HPSE2: variants seen among roughly 807,000 people sequenced by gnomAD.
The protein encoded by HPSE2 is inactive heparanase-2.
Under a neutral mutation model 60.5 loss-of-function variants are expected in HPSE2, and 38 were observed. The ratio of observed to expected loss-of-function variants is 0.63; its 90% CI spans 0.48 to 0.82. The LOEUF (loss-of-function observed/expected upper bound fraction) is 0.82, where lower values mean the gene tolerates loss of function less well. Ranked by LOEUF, HPSE2 falls within the 40% of genes least tolerant of loss-of-function variation. HPSE2 has a pLI of 0.00. For synonymous variants in HPSE2, 295 were observed against 293.2 expected (o/e 1.01, Z -0.06); for missense variants, 713 against 740.4 (o/e 0.96, Z 0.43).
chr10:99,069,209 A>C (rs1669287292), intron 3 of HPSE2, among the ~76,000 whole-genome samples: 1 of 152,178 alleles, frequency 6.6e-6, no homozygotes, highest in Non-Finnish European at 1.5e-5. Context: ...GAGTTTCTTA[A>C]GGCTATCTGG....
intron 3 of HPSE2, among the ~76,000 whole-genome samples, chr10:98,976,867 G>A (rs992645998): frequency 6.6e-6 from 1 of 152,096 alleles, no homozygotes; most frequent in African/African-American, 2.4e-5. Flanking sequence ...GACAATATGA[G>A]CAGGCCTTCA....
chr10:98,527,247 A>G (rs1168879883), intron 9 of HPSE2, among the ~76,000 whole-genome samples: 1 of 152,150 alleles, frequency 6.6e-6, no homozygotes, highest in Non-Finnish European at 1.5e-5. Context: ...GAGCAGCTAA[A>G]GTCATTCCCC....
chr10:99,069,087 C>G (rs1407298811), intron 3 of HPSE2, among the ~76,000 whole-genome samples: 1 of 152,152 alleles, frequency 6.6e-6, no homozygotes, highest in Non-Finnish European at 1.5e-5. Flanking sequence ...ACTGAAGATG[C>G]AGGGAATACT....
chr10:99,014,841 A>AG (rs1957100921), intron 3 of HPSE2, among the ~76,000 whole-genome samples: 1 of 152,212 alleles, frequency 6.6e-6, no homozygotes, highest in African/African-American at 2.4e-5. Context: ...TAAACTCAAG[A>AG]GCTTCTGCAC....
rs1434391779 is a variant in HPSE2 at position 98,599,862 on chromosome 10, C to T, written c.1320+15042G>A. On this transcript the variant is annotated intron_variant, in intron 9 of 11. Coordinates refer to ENST00000370552, the MANE Select transcript of HPSE2 (RefSeq NM_021828.5). Reference sequence around the variant, plus strand: ...CACAGGGAGACAAGCTCTGGAAAGTCCTATTCTGCCATCTTGCTGCTATAC... The same window carrying T: ...CACAGGGAGACAAGCTCTGGAAAGTTCTATTCTGCCATCTTGCTGCTATAC... Among the ~76,000 whole-genome samples, 4 of 152,154 alleles carry T rather than the reference C, an allele frequency of 2.6e-5. No homozygotes were observed. The South Asian group carries it at 6.2e-4, about 24-fold the overall frequency.
chr10:99,235,808 C>A lies in HPSE2; in HGVS notation c.-6G>T. 6.2e-7 allele frequency: 1 copy of A among 1,612,072 alleles called. No individual in the cohort carries two copies. Among genetic ancestry groups the A allele is most frequent in the Non-Finnish European group, 8.5e-7 (1 of 1,179,152 alleles). On this transcript the variant is annotated 5_prime_UTR_variant, in exon 1 of 12. Coordinates refer to ENST00000370552, the MANE Select transcript of HPSE2 (RefSeq NM_021828.5). ...AAGGCACAAAGCACCCTCATTCAAT[C>A]CCTCTGATTTAAACCTCTCTTCCTA...
At chr10:99,016,552 T>C (rs946809496) in intron 3 of HPSE2, among the ~76,000 whole-genome samples, 3 of 152,210 alleles carry the variant, frequency 2.0e-5, no homozygotes, top group Non-Finnish European at 4.4e-5. Flanking sequence ...AGTTTTTTTT[T>C]CTAGTTCTGT....
the HPSE2 span, among the ~76,000 whole-genome samples, chr10:99,308,772 C>T: frequency 0.052 from 2,229 of 42,812 alleles, 65 homozygotes; most frequent in African/African-American, 0.22. Flanking sequence ...ATGTCAAATC[C>T]TAGAAAACAC....
chr10:98,529,758 A>G (rs924070519), intron 9 of HPSE2, among the ~76,000 whole-genome samples: 4 of 152,174 alleles, frequency 2.6e-5, no homozygotes, highest in East Asian at 1.9e-4. Flanking sequence ...AAATCTATGC[A>G]TGATTGCCAC....
At chr10:98,951,608 A>G (rs897565819) in intron 3 of HPSE2, among the ~76,000 whole-genome samples, 12 of 152,236 alleles carry the variant, frequency 7.9e-5, no homozygotes, top group Non-Finnish European at 1.8e-4. Context: ...TGTGCAGGAA[A>G]ATGTGACAGT....
At chr10:99,230,525 C>T (rs959948466) in intron 2 of HPSE2, among the ~76,000 whole-genome samples, 5 of 151,968 alleles carry the variant, frequency 3.3e-5, no homozygotes, top group Non-Finnish European at 7.4e-5. Flanking sequence ...AGATCTTTTC[C>T]GTTTATGTTT....
chr10:98,459,663 G>T lies in HPSE2; in HGVS notation c.1690C>A (p.Arg564=), dbSNP rs373432908. ...GGGATGACCAATGTCCGGCCGGCCC[G>T]AAGGGGGCGGGGCTTCAATTCTGGG... ...TLPELKPRPL[R]AGRTLVIPPV... is the part of the protein sequence containing the mutation. The change falls in exon 12 of 12, where the codon CGG becomes AGG. Residue 564 remains arginine (R), a synonymous_variant. Coordinates refer to ENST00000370552, the MANE Select transcript of HPSE2 (RefSeq NM_021828.5). 6.2e-7 allele frequency: 1 copy of T among 1,614,168 alleles called. No homozygotes were observed. The highest frequency in any genetic ancestry group is 1.1e-5 in the South Asian group (1 of 91,084).
chr10:98,555,765 T>C (rs998862906), intron 9 of HPSE2, among the ~76,000 whole-genome samples: 36 of 152,228 alleles, frequency 2.4e-4, no homozygotes, highest in African/African-American at 8.4e-4. Flanking sequence ...TGTAACTTAA[T>C]TCTCCTCTTT....
At chr10:98,897,184 G>A (rs1042473193) in intron 3 of HPSE2, among the ~76,000 whole-genome samples, 2 of 152,132 alleles carry the variant, frequency 1.3e-5, no homozygotes, top group African/African-American at 4.8e-5. Context: ...GGACTTGAAG[G>A]GAAGGGTGGG....
intron 4 of HPSE2, among the ~76,000 whole-genome samples, chr10:98,736,931 T>C (rs953729574): frequency 2.0e-5 from 3 of 152,112 alleles, no homozygotes; most frequent in Admixed American, 1.3e-4. Flanking sequence ...AATGACTAAA[T>C]ACCATGAGAG....
rs142589298 is a variant in HPSE2, at chr10:98,744,111, GA to G, written c.611-56del. Reference sequence around the variant, plus strand: ...TTTCAAATCAACATTCCAACAAAAGGAAAATAGTAGCTAATATAAAAAGCCT... The same window carrying G: ...TTTCAAATCAACATTCCAACAAAAGGAAATAGTAGCTAATATAAAAAGCCT... On this transcript the variant is annotated intron_variant, in intron 3 of 11. Transcript: ENST00000370552. 14,482 of 1,507,950 alleles carry G rather than the reference GA, an allele frequency of 9.6e-3. 98 individuals carry two copies. The highest frequency in any genetic ancestry group is 0.012 in the Non-Finnish European group (12,970 of 1,095,188). The allele number at this position is 1,507,950 out of a possible 1,614,324, so 93.4% of individuals were successfully genotyped here. A position where few individuals can be genotyped will look rare whatever the true frequency, so the allele number is the denominator to read the frequency against.
intron 3 of HPSE2, among the ~76,000 whole-genome samples, chr10:98,879,148 A>C (rs772025065): frequency 1.3e-5 from 2 of 152,034 alleles, no homozygotes; most frequent in Non-Finnish European, 2.9e-5. Flanking sequence ...ACACACGTCT[A>C]GAGCTCAGGA....
chr10:98,600,845 CACACACATATTAT>C (rs1441464262), intron 9 of HPSE2, among the ~76,000 whole-genome samples: 1 of 140,856 alleles, frequency 7.1e-6, no homozygotes, highest in Admixed American at 7.2e-5. Flanking sequence ...GATATATATA[CACACACATATTAT>C]ATATATACGT....
At chr10:99,104,125 T>A (rs1215397481) in intron 3 of HPSE2, among the ~76,000 whole-genome samples, 1 of 152,106 alleles carries the variant, frequency 6.6e-6, no homozygotes, top group East Asian at 1.9e-4. Context: ...AAAGCCAAAA[T>A]TGACAAATGG....
Sources: allele counts gnomAD v4.1 joint callset (sites outside exome capture counted in the v4.1 genomes callset), GRCh38; gene constraint gnomAD v4.1.1; transcripts MANE v1.5; gene names NCBI Gene and HGNC (gene_info 2026-07-23, HGNC 2026-07-21).